Variants in CCDC9B observed in about 807,000 individuals in gnomAD.
The protein encoded by CCDC9B is coiled-coil domain-containing protein 9B.
In CCDC9B, 40 loss-of-function variants were observed where a neutral mutation model predicts 47.2. The ratio of observed to expected loss-of-function variants is 0.85; its 90% CI spans 0.66 to 1.10. The LOEUF (loss-of-function observed/expected upper bound fraction) is 1.10, where lower values mean the gene tolerates loss of function less well. Ranked by LOEUF, CCDC9B falls within the 50% of genes least tolerant of loss-of-function variation. The probability of loss-of-function intolerance (pLI) is 0.00; values close to 1 mark genes in which losing one functional copy is unlikely to be tolerated. For missense variants in CCDC9B, 662 were observed against 651.0 expected, an observed-to-expected ratio of 1.02 and a Z score of -0.18; for synonymous variants, 238 against 250.7, an observed-to-expected ratio of 0.95 and a Z score of 0.48.
At chr15:40,339,411 A>G in intron 3 of CCDC9B, 101 bp downstream of exon 3, 1 of 1,279,688 alleles carries the variant, frequency 7.8e-7, no homozygotes. Context: ...GCACCCCAGA[A>G]TAGTTAGTAG....
In CCDC9B at chr15:40,337,866, C is replaced by T. The variant is rs965021611; in HGVS notation, c.541G>A (p.Val181Met). The T allele has an allele frequency of 3.1e-6, 5 of 1,603,264 alleles. No individual in the cohort carries two copies. The highest frequency in any genetic ancestry group is 2.7e-5 in the African/African-American group (2 of 74,854). Residue 181 changes from valine to methionine, a missense_variant, in exon 6 of 11, where the codon GTG becomes ATG. Val to Met is a conservative substitution (Grantham distance 21, BLOSUM62 1). Transcript: ENST00000397536. ...KGSWEPWSRP[V>M]GEPPEAGWDY... Reference sequence around the variant, plus strand: ...CAGCCCGCCTCCGGGGGCTCCCCCACCGGCCGGCTCCAGGGCTCCCAAGAA... The same window carrying T: ...CAGCCCGCCTCCGGGGGCTCCCCCATCGGCCGGCTCCAGGGCTCCCAAGAA...
chr15:40,339,632 TG>T lies in CCDC9B; in HGVS notation c.124-14del. The T allele has an allele frequency of 6.2e-7, 1 of 1,612,334 alleles. No individual in the cohort carries two copies. On this transcript the variant is annotated splice_polypyrimidine_tract_variant and intron_variant, in intron 2 of 10. Transcript: ENST00000397536. ...CCTCCTGGATCTCCTGTGGGAGGGCTGGGGGTCAGCACACGCCATGGCCCCC... is the reference window on the plus strand; with the variant it reads ...CCTCCTGGATCTCCTGTGGGAGGGCTGGGGTCAGCACACGCCATGGCCCCC...
In CCDC9B at chr15:40,331,730, CTG is replaced by C. The variant is rs1342814016; in HGVS notation, c.*3426_*3427del. The C allele has an allele frequency of 1.3e-5, 2 of 152,624 alleles. No individual in the cohort carries two copies. The highest frequency in any genetic ancestry group is 2.9e-5 in the Non-Finnish European group (2 of 68,028). 9.5% of individuals were successfully genotyped at this position (152,624 alleles called of 1,614,324 possible). A position where few individuals can be genotyped will look rare whatever the true frequency, so the allele number is the denominator to read the frequency against. On this transcript the variant is annotated 3_prime_UTR_variant, in exon 11 of 11. Coordinates refer to ENST00000397536, the MANE Select transcript of CCDC9B (RefSeq NM_207380.3). ...AAGCCTCATTTTGCAGATAAGGAGA[CTG>C]AGGCTTTTAGAGGCTAAAATTGACC...
Position 40,334,608 on chromosome 15 carries a change from C to T in CCDC9B, c.*550G>A, listed in dbSNP as rs1435302859. 2 of 152,430 alleles carry T rather than the reference C, an allele frequency of 1.3e-5. No individual in the cohort carries two copies. The highest frequency in any genetic ancestry group is 1.5e-5 in the Non-Finnish European group (1 of 68,180). 9.4% of individuals were successfully genotyped at this position (152,430 alleles called of 1,614,324 possible). A position where few individuals can be genotyped will look rare whatever the true frequency, so the allele number is the denominator to read the frequency against. Reference sequence around the variant, plus strand: ...CTTTGCCCAGGCCAGACCCTGCCAGCTGTGTGGCCTCTCCTCCTCCAGGCC... The same window carrying T: ...CTTTGCCCAGGCCAGACCCTGCCAGTTGTGTGGCCTCTCCTCCTCCAGGCC... On this transcript the variant is annotated 3_prime_UTR_variant, in exon 11 of 11. Transcript: ENST00000397536.
rs1403217383 is a variant in CCDC9B, at chr15:40,336,762, T to G, written c.794A>C (p.Lys265Thr). The G allele has an allele frequency of 3.1e-6, 5 of 1,599,992 alleles. No individual in the cohort carries two copies. The highest frequency in any genetic ancestry group is 3.5e-5 in the Admixed American group (2 of 56,974). The part of the protein sequence containing the change: ...LQPPPLLPDG[K>T]GRGGQASRPS... The stretch of plus-strand genomic sequence containing the variant: ...GCCCCTCCTCCTCCCCAACTCACCT[T>G]TTCCATCAGGGAGCAATGGTGGGGG... Residue 265 changes from lysine to threonine, a missense_variant and splice_region_variant, in exon 8 of 11, where the codon AAA becomes ACA. By Grantham distance (78) the Lys-to-Thr change is moderately conservative (BLOSUM62 -1). Coordinates refer to ENST00000397536, the MANE Select transcript of CCDC9B (RefSeq NM_207380.3).
rs1456504541 is a variant in CCDC9B, at chr15:40,333,770, CT to C, written c.*1387del. On this transcript the variant is annotated 3_prime_UTR_variant, in exon 11 of 11. Transcript: ENST00000397536. Reference sequence around the variant, plus strand: ...CTGAGCTGGGACCCCACAGTTTAGGCTTCACATTGGGCAGTGGAGAAATCCC... The same window carrying C: ...CTGAGCTGGGACCCCACAGTTTAGGCTCACATTGGGCAGTGGAGAAATCCC... The C allele has an allele frequency of 4.5e-6, 2 of 443,034 alleles. No homozygotes were observed. The highest frequency in any genetic ancestry group is 4.3e-5 in the African/African-American group (2 of 46,360). The allele number at this position is 443,034 out of a possible 1,614,324, so 27.4% of individuals were successfully genotyped here. A position where few individuals can be genotyped will look rare whatever the true frequency, so the allele number is the denominator to read the frequency against.
Position 40,334,113 on chromosome 15 carries a change from CCTACCGGCTGG to C in CCDC9B, c.*1034_*1044del, listed in dbSNP as rs1165701001. The C allele has an allele frequency of 6.5e-6, 1 of 152,710 alleles. No individual in the cohort carries two copies. Among genetic ancestry groups the C allele is most frequent in the East Asian group, 1.9e-4 (1 of 5,194 alleles). 9.5% of individuals were successfully genotyped at this position (152,710 alleles called of 1,614,324 possible). ...TCCCTCCTGCTGGCAGTCTCCGTCG[CCTACCGGCTGG>C]ATTACTGGTAGTGGGTGCTCAGGAA... On this transcript the variant is annotated 3_prime_UTR_variant, in exon 11 of 11. Coordinates refer to ENST00000397536, the MANE Select transcript of CCDC9B (RefSeq NM_207380.3).
rs1355893528 is a variant in CCDC9B at position 40,334,190 on chromosome 15, TC to T, written c.*967del. ...AGAGGAAGCCACAGCTTGTGCGGAG[TC>T]CGGATAATTCAGCAGACGTGGGCCT... On this transcript the variant is annotated 3_prime_UTR_variant, in exon 11 of 11. Coordinates refer to ENST00000397536, the MANE Select transcript of CCDC9B (RefSeq NM_207380.3). 6.6e-6 allele frequency: 1 copy of T among 152,046 alleles called. No individual in the cohort carries two copies. Among genetic ancestry groups the T allele is most frequent in the East Asian group, 1.9e-4 (1 of 5,174 alleles). The allele number at this position is 152,046 out of a possible 1,614,324, so 9.4% of individuals were successfully genotyped here. A position where few individuals can be genotyped will look rare whatever the true frequency, so the allele number is the denominator to read the frequency against.
intron 1 of CCDC9B, 151 bp downstream of exon 1, chr15:40,340,657 T>C (rs1209487131): frequency 2.8e-6 from 2 of 705,164 alleles, no homozygotes; most frequent in African/African-American, 3.7e-5. Context: ...TTCCTCTCTG[T>C]CTGGATGCAG....
chr15:40,336,566 C>T lies in CCDC9B; in HGVS notation c.887+8G>A, dbSNP rs1451061349. 4 of 1,610,808 alleles carry T rather than the reference C, an allele frequency of 2.5e-6. No individual in the cohort carries two copies. Among genetic ancestry groups the T allele is most frequent in the Admixed American group, 3.3e-5 (2 of 59,976 alleles). The stretch of plus-strand genomic sequence containing the variant: ...CCCGTCTTGATTTTGTCCCCTGCCA[C>T]CTGTTACCTTCGGGCCCTGCCAGTC... On this transcript the variant is annotated splice_region_variant and intron_variant, in intron 9 of 10. Coordinates refer to ENST00000397536, the MANE Select transcript of CCDC9B (RefSeq NM_207380.3).
rs774348689 is a variant in CCDC9B, at chr15:40,339,514, C to CG, written c.228dup (p.Gly77ArgfsTer2). ...CTGTCTCCCAGGGTGAGGCTTACAC[C>CG]GGGAACCTGGCTGATGGTAACGGTG... On this transcript the variant is annotated frameshift_variant, in exon 3 of 11. Transcript: ENST00000397536. LOFTEE classifies it high-confidence loss of function. 2.5e-6 allele frequency: 4 copies of CG among 1,613,494 alleles called. No individual in the cohort carries two copies. The African/African-American group carries it at 5.3e-5, about 22-fold the overall frequency.
At position 40,336,227 on chromosome 15, in the gene CCDC9B, C is replaced by T. The variant is rs746880991; in HGVS notation, c.887+347G>A. 49 of 985,326 alleles carry T rather than the reference C, an allele frequency of 5.0e-5. No homozygotes were observed. In the South Asian group the frequency reaches 8.0e-4, roughly 16 times the overall value. The allele number at this position is 985,326 out of a possible 1,614,324, so 61.0% of individuals were successfully genotyped here. Reference sequence around the variant, plus strand: ...ATCCAACTATTTCCTCTGAATACCACGCACTCTGGGCCCATCCTGGGTCCC... The same window carrying T: ...ATCCAACTATTTCCTCTGAATACCATGCACTCTGGGCCCATCCTGGGTCCC... On this transcript the variant is annotated intron_variant, in intron 9 of 10. Transcript: ENST00000397536.
intron 1 of CCDC9B, 80 bp from the exon 2 acceptor site, chr15:40,340,095 A>C: frequency 5.7e-6 from 5 of 870,202 alleles, no homozygotes; most frequent in Non-Finnish European, 9.2e-6. Flanking sequence ...TTCACCACCC[A>C]AGGAAGAGAT....
chr15:40,338,387 G>C, intron 5 of CCDC9B, 148 bp downstream of exon 5: 3 of 939,264 alleles, frequency 3.2e-6, no homozygotes, highest in Non-Finnish European at 4.9e-6. Flanking sequence ...GTAGAGACTG[G>C]CCAGAGAAAG....
Position 40,337,509 on chromosome 15 carries a change from AC to A in CCDC9B, c.684-64del, listed in dbSNP as rs1202127882. The A allele has an allele frequency of 6.4e-6, 9 of 1,409,614 alleles. 1 individual carries two copies. The highest frequency in any genetic ancestry group is 2.3e-5 in the East Asian group (1 of 42,974). The allele number at this position is 1,409,614 out of a possible 1,614,324, so 87.3% of individuals were successfully genotyped here. A position where few individuals can be genotyped will look rare whatever the true frequency, so the allele number is the denominator to read the frequency against. On this transcript the variant is annotated intron_variant, in intron 6 of 10. Coordinates refer to ENST00000397536, the MANE Select transcript of CCDC9B (RefSeq NM_207380.3). ...AAGCTGCCGCGGGCCCCACCCTGAC[AC>A]CCCCCTCCCCGAAGCCCAGGCCCAG... is the stretch of plus-strand genomic sequence containing the variant.
chr15:40,335,151 G>A lies in CCDC9B; in HGVS notation c.*7C>T, dbSNP rs539289289. On this transcript the variant is annotated 3_prime_UTR_variant, in exon 11 of 11. Coordinates refer to ENST00000397536, the MANE Select transcript of CCDC9B (RefSeq NM_207380.3). ...CCCGGGGACTCCCCAGCTCCCAGGA[G>A]CTGTGTTCAGCATCTTCCTGCCGGG... 2.1e-5 allele frequency: 32 copies of A among 1,497,754 alleles called. No individual in the cohort carries two copies. The South Asian group carries it at 4.0e-4, about 19-fold the overall frequency. 92.8% of individuals were successfully genotyped at this position (1,497,754 alleles called of 1,614,324 possible).
chr15:40,337,481 C>G (rs779575049), intron 6 of CCDC9B, 35 bp from the exon 7 acceptor site: 1 of 1,516,728 alleles, frequency 6.6e-7, no homozygotes, highest in African/African-American at 1.4e-5. Flanking sequence ...TGCTGGTGCA[C>G]AGAAGCTGCC....
Position 40,336,595 on chromosome 15 carries a change from C to T in CCDC9B, c.866G>A (p.Arg289Lys). The change falls in exon 9 of 11, where the codon AGG becomes AAG. Residue 289 changes from arginine (R) to lysine (K), a missense_variant. By Grantham distance (26) the Arg-to-Lys change is conservative. Coordinates refer to ENST00000397536, the MANE Select transcript of CCDC9B (RefSeq NM_207380.3). ...ATGSKARGKE[R>K]LTGRARRWDM... ...TTACCTTCGGGCCCTGCCAGTCAGC[C>T]TCTCCTTGCCCCGGGCTTTGCTGCC... 10 of 1,612,566 alleles carry T rather than the reference C, an allele frequency of 6.2e-6. No homozygotes were observed. The highest frequency in any genetic ancestry group is 8.5e-6 in the Non-Finnish European group (10 of 1,179,714).
Position 40,340,937 on chromosome 15 carries a change from A to T in CCDC9B, c.-118T>A, listed in dbSNP as rs4924455. 0.1 allele frequency: 168,076 copies of T among 1,603,964 alleles called. 17,900 individuals carry two copies. Among genetic ancestry groups the T allele is most frequent in the East Asian group, 0.62 (27,251 of 44,294 alleles). ...CCTCTCCCTGCCGGCTTCGCTGCTC[A>T]GCACACGAGATCATGTTGTGATTAC... On this transcript the variant is annotated 5_prime_UTR_variant, in exon 1 of 11. Transcript: ENST00000397536.
Sources: allele counts gnomAD v4.1 joint callset, GRCh38; gene constraint gnomAD v4.1.1; transcripts MANE v1.5; gene names NCBI Gene and HGNC (gene_info 2026-07-23, HGNC 2026-07-21).